Variants in MYT1L observed in about 807,000 individuals in gnomAD.
MYT1L encodes myelin transcription factor 1-like protein.
Under a neutral mutation model 126.7 loss-of-function variants are expected in MYT1L, and 12 were observed. The observed-to-expected ratio is 0.09, with a 90% CI of 0.06 to 0.15. The LOEUF is 0.15. MYT1L is among the 10% of genes least tolerant of loss of function. MYT1L has a pLI of 1.00. For missense variants in MYT1L, 979 were observed against 1,585.2 expected (o/e 0.62, Z 6.49); for synonymous variants, 541 against 604.2 (o/e 0.90, Z 1.53).
intron 3 of MYT1L, among the ~76,000 whole-genome samples, chr2:2,109,875 T>TTATATATATATATATATA (rs58549168): frequency 7.8e-5 from 5 of 63,888 alleles, no homozygotes; most frequent in Non-Finnish European, 1.2e-4. Context: ...AGTGCTGATT[T>TTATATATATATATATATA]TATATATATA....
chr2:2,326,927 G>C (rs1462529514), intron 1 of MYT1L: 1 of 152,192 alleles, frequency 6.6e-6, no homozygotes, highest in Non-Finnish European at 1.5e-5. Flanking sequence ...AAGTTAAAGA[G>C]AGAGGGGGCA....
intron 4 of MYT1L, among the ~76,000 whole-genome samples, chr2:2,019,865 T>G (rs1334552770): frequency 6.6e-6 from 1 of 152,212 alleles, no homozygotes; most frequent in African/African-American, 2.4e-5. Flanking sequence ...TATTTATTTT[T>G]TGATATGGTA....
At chr2:2,100,162 C>A (rs1173741261) in intron 3 of MYT1L, among the ~76,000 whole-genome samples, 1 of 152,130 alleles carries the variant, frequency 6.6e-6, no homozygotes, top group East Asian at 1.9e-4. Flanking sequence ...ATTTATACAT[C>A]TCTGGCAGGA....
At chr2:2,329,278 A>G (rs967012309) in intron 1 of MYT1L, among the ~76,000 whole-genome samples, 1 of 149,488 alleles carries the variant, frequency 6.7e-6, no homozygotes, top group Non-Finnish European at 1.5e-5. Flanking sequence ...GAAGAATCCA[A>G]CCAAGATTGG....
At chr2:1,869,947 C>T (rs546012243) in intron 18 of MYT1L, among the ~76,000 whole-genome samples, 8 of 152,098 alleles carry the variant, frequency 5.3e-5, no homozygotes, top group Admixed American at 1.3e-4. Flanking sequence ...TAAATTCAAA[C>T]GACATTAAAA....
At chr2:1,958,359 A>C (rs12612812) in intron 8 of MYT1L, among the ~76,000 whole-genome samples, 47,669 of 150,482 alleles carry the variant, frequency 0.32, 8,324 homozygotes, top group African/African-American at 0.49. Flanking sequence ...GCAGATGGAA[A>C]CCAGGGAGTT....
At chr2:1,973,341 T>C (rs1004243350) in intron 8 of MYT1L, among the ~76,000 whole-genome samples, 4 of 152,174 alleles carry the variant, frequency 2.6e-5, no homozygotes, top group Non-Finnish European at 5.9e-5. Flanking sequence ...ATTGGGAAAT[T>C]TTAGGAAAAA....
intron 3 of MYT1L, among the ~76,000 whole-genome samples, chr2:2,112,958 G>A (rs1188035741): frequency 6.6e-6 from 1 of 152,174 alleles, no homozygotes; most frequent in African/African-American, 2.4e-5. Flanking sequence ...ATGAGACAAT[G>A]GAGGTAAACT....
intron 2 of MYT1L, among the ~76,000 whole-genome samples, chr2:2,282,617 T>C (rs2095464201): frequency 1.3e-5 from 2 of 152,212 alleles, no homozygotes; most frequent in East Asian, 3.8e-4. Flanking sequence ...ATTAACAGTG[T>C]GAAAGGTTTT....
chr2:2,184,842 G>A (rs1468458540), intron 2 of MYT1L, among the ~76,000 whole-genome samples: 1 of 152,126 alleles, frequency 6.6e-6, no homozygotes, highest in Non-Finnish European at 1.5e-5. Flanking sequence ...TTGGCTTGAG[G>A]TTTCCAGCTA....
chr2:1,794,080 C>T (rs1337793198), intron 23 of MYT1L, among the ~76,000 whole-genome samples: 2 of 152,138 alleles, frequency 1.3e-5, no homozygotes, highest in Admixed American at 6.5e-5. Flanking sequence ...GCCCAGGTCC[C>T]GAGGTTTTTA....
intron 9 of MYT1L, among the ~76,000 whole-genome samples, chr2:1,937,943 T>C (rs1318184364): frequency 2.6e-5 from 4 of 152,208 alleles, no homozygotes; most frequent in African/African-American, 9.6e-5. Flanking sequence ...GGAAGACACC[T>C]GCGTGTCACC....
intron 3 of MYT1L, among the ~76,000 whole-genome samples, chr2:2,136,279 A>G (rs1267043134): frequency 6.6e-6 from 1 of 152,230 alleles, no homozygotes; most frequent in Non-Finnish European, 1.5e-5. Flanking sequence ...GAAACTGCAT[A>G]TTCCAGCATA....
At chr2:1,813,616 C>A (rs1431266479) in intron 21 of MYT1L, among the ~76,000 whole-genome samples, 3 of 152,150 alleles carry the variant, frequency 2.0e-5, no homozygotes, top group Non-Finnish European at 4.4e-5. Flanking sequence ...GGAGCGCAAA[C>A]GCTACTGAGA....
At chr2:2,078,395 G>C (rs889550895) in intron 3 of MYT1L, among the ~76,000 whole-genome samples, 33 of 152,168 alleles carry the variant, frequency 2.2e-4, no homozygotes, top group African/African-American at 7.7e-4. Context: ...GCAGAGAATA[G>C]ATTTGAAACA....
chr2:2,163,832 A>G (rs2088503843), intron 3 of MYT1L, among the ~76,000 whole-genome samples: 1 of 152,148 alleles, frequency 6.6e-6, no homozygotes, highest in Admixed American at 6.5e-5. Flanking sequence ...CTTTGCCTCA[A>G]CATGCCCAGG....
intron 5 of MYT1L, among the ~76,000 whole-genome samples, chr2:1,995,213 G>T (rs760759971): frequency 2.6e-5 from 4 of 151,852 alleles, no homozygotes; most frequent in Admixed American, 2.6e-4. Context: ...TCTTTCCTGT[G>T]TGTTTATGTG....
chr2:2,117,768 A>G (rs910089742), intron 3 of MYT1L, among the ~76,000 whole-genome samples: 4 of 152,190 alleles, frequency 2.6e-5, no homozygotes, highest in African/African-American at 4.8e-5. Flanking sequence ...TAGAAATAAG[A>G]GCTGCGTCTC....
At chr2:1,861,402 GGGAT>G (rs1206200423) in intron 18 of MYT1L, among the ~76,000 whole-genome samples, 1 of 152,062 alleles carries the variant, frequency 6.6e-6, no homozygotes, top group African/African-American at 2.4e-5. Context: ...TAGACAGGAG[GGGAT>G]GTACATGTTT....
Sources: gnomAD v4.1 joint callset for allele counts (sites outside exome capture counted in the v4.1 genomes callset) on GRCh38, gnomAD v4.1.1 for gene constraint, MANE v1.5 for transcripts, NCBI Gene and HGNC (gene_info 2026-07-23, HGNC 2026-07-21) for gene names.